GRID1: variants seen among roughly 807,000 people sequenced by gnomAD.
GRID1 encodes glutamate ionotropic receptor delta type subunit 1, also known as glutamate receptor ionotropic, delta-1.
GRID1 carries 28 observed loss-of-function variants against 98.0 expected under a neutral mutation model. The ratio of observed to expected loss-of-function variants is 0.29; its 90% CI spans 0.21 to 0.39. The LOEUF (loss-of-function observed/expected upper bound fraction) is 0.39, where lower values mean the gene tolerates loss of function less well. Among genes scored for constraint, GRID1 ranks in the 10% least tolerant of loss-of-function variants. The pLI is 1.00. For synonymous variants in GRID1, 553 were observed against 538.5 expected (o/e 1.03, Z -0.37); for missense variants, 1,111 against 1,340.5 (o/e 0.83, Z 2.67).
Position 85,599,802 on chromosome 10 carries a change from A to AAAAATATATATAT in GRID1, c.*2470_*2471insATATATATATTTT. 0.023 allele frequency: 1,494 copies of AAAAATATATATAT among 64,714 alleles called. 55 individuals are homozygous for AAAAATATATATAT. Among genetic ancestry groups the AAAAATATATATAT allele is most frequent in the Non-Finnish European group, 0.033 (1,260 of 38,580 alleles). The allele number at this position is 64,714 out of a possible 1,614,324, so 4.0% of individuals were successfully genotyped here. A position where few individuals can be genotyped will look rare whatever the true frequency, so the allele number is the denominator to read the frequency against. On this transcript the variant is annotated 3_prime_UTR_variant, in exon 16 of 16. Coordinates refer to ENST00000327946, the MANE Select transcript of GRID1 (RefSeq NM_017551.3). Reference sequence around the variant, plus strand: ...GTAGAAAATTCTAAAAAAAAAAAAAAATATATATATATATATATAAACATG... The same window carrying AAAAATATATATAT: ...GTAGAAAATTCTAAAAAAAAAAAAAAAAAATATATATATATATATATATATATATATAAACATG...
rs1449946223 is a variant in GRID1 at position 85,604,858 on chromosome 10, A to G, written c.2602-2157T>C. On this transcript the variant is annotated intron_variant, in intron 15 of 15. Transcript: ENST00000327946. Reference sequence around the variant, plus strand: ...GGCTTAGCGCCACTCAGCATCAATGATCTTTTCCCAAGGAAGTCTATGGTT... The same window carrying G: ...GGCTTAGCGCCACTCAGCATCAATGGTCTTTTCCCAAGGAAGTCTATGGTT... Among the ~76,000 whole-genome samples the G allele has an allele frequency of 3.3e-5, 5 of 152,210 alleles. No homozygotes were observed. In the East Asian group the frequency reaches 9.6e-4, roughly 29 times the overall value.
Position 85,796,342 on chromosome 10 carries a change from TAAAATATTAATTGGA to T in GRID1, c.1233+58139_1233+58153del, listed in dbSNP as rs1448313710. Among the ~76,000 whole-genome samples the T allele has an allele frequency of 1.8e-4, 28 of 152,188 alleles. 1 individual carries two copies. The highest frequency in any genetic ancestry group is 1.9e-4 in the East Asian group (1 of 5,196). On this transcript the variant is annotated intron_variant, in intron 8 of 15. Transcript: ENST00000327946. ...AAAATAAACCTAGACATATTGTGAT[TAAAATATTAATTGGA>T]CAAAGAATACATACTATAACAAATT...
chr10:86,128,572 C>A lies in GRID1; in HGVS notation c.726+10247G>T, dbSNP rs560533249. Reference sequence around the variant, plus strand: ...GCACTGGGGAGAGGGAGAGGCCATACCACGCCCTGCACAGCAGGCAACAGG... The same window carrying A: ...GCACTGGGGAGAGGGAGAGGCCATAACACGCCCTGCACAGCAGGCAACAGG... On this transcript the variant is annotated intron_variant, in intron 4 of 15. Transcript: ENST00000327946. Among the ~76,000 whole-genome samples, 5 of 152,208 alleles carry A rather than the reference C, an allele frequency of 3.3e-5. No homozygotes were observed. In the South Asian group the frequency reaches 1.0e-3, roughly 32 times the overall value.
At chr10:86,143,810 G>C (rs1845045177) in intron 3 of GRID1, among the ~76,000 whole-genome samples, 1 of 152,256 alleles carries the variant, frequency 6.6e-6, no homozygotes, top group Non-Finnish European at 1.5e-5. Context: ...CTAGAGAGGA[G>C]TCCTGCGCCT....
chr10:85,822,548 G>C (rs151079280), intron 8 of GRID1, among the ~76,000 whole-genome samples: 7 of 152,048 alleles, frequency 4.6e-5, no homozygotes, highest in African/African-American at 1.7e-4. Flanking sequence ...ACAAGTGCTG[G>C]AGAGGATGTG....
chr10:86,341,285 A>G (rs186634407), intron 2 of GRID1, among the ~76,000 whole-genome samples: 1,662 of 152,242 alleles, frequency 0.011, 32 homozygotes, highest in African/African-American at 0.037. Context: ...AGAAAACCCT[A>G]CCACCGACAG....
chr10:85,835,724 C>T (rs1842906603), intron 8 of GRID1, among the ~76,000 whole-genome samples: 1 of 152,258 alleles, frequency 6.6e-6, no homozygotes, highest in South Asian at 2.1e-4. Context: ...CCAATATCAG[C>T]AGAATATACA....
At chr10:85,982,132 G>A (rs549746742) in intron 4 of GRID1, among the ~76,000 whole-genome samples, 2 of 150,700 alleles carry the variant, frequency 1.3e-5, no homozygotes, top group South Asian at 2.1e-4. Flanking sequence ...TGGAGACCAG[G>A]ACAGATGGAA....
At chr10:86,208,352 C>A (rs1846064218) in intron 2 of GRID1, among the ~76,000 whole-genome samples, 1 of 152,158 alleles carries the variant, frequency 6.6e-6, no homozygotes, top group Non-Finnish European at 1.5e-5. Context: ...CCTCCTACCC[C>A]AGCTCCAGTC....
At position 86,366,366 on chromosome 10, in the gene GRID1, G is replaced by T. The variant is rs1416803184; in HGVS notation, c.27C>A (p.Leu9=). The T allele has an allele frequency of 6.6e-7, 1 of 1,519,382 alleles. No homozygotes were observed. The highest frequency in any genetic ancestry group is 8.8e-7 in the Non-Finnish European group (1 of 1,131,580). The allele number at this position is 1,519,382 out of a possible 1,614,324, so 94.1% of individuals were successfully genotyped here. MEALTLWL[L]PWICQCVSVR... is the part of the protein sequence containing the mutation. ...CCGACACGCACTGGCATATCCAGGG[G>T]AGAAGCCACAGCGTCAGCGCTTCCA... Residue 9 remains leucine, a synonymous_variant, in exon 1 of 16, where the codon CTC becomes CTA. Coordinates refer to ENST00000327946, the MANE Select transcript of GRID1 (RefSeq NM_017551.3). This position sits in a 1 kb window ranked among gnomAD's most constrained non-coding sequence, Gnocchi z 4.1.
chr10:86,358,032 C>A (rs999326909), intron 2 of GRID1, among the ~76,000 whole-genome samples: 1 of 152,120 alleles, frequency 6.6e-6, no homozygotes, highest in African/African-American at 2.4e-5. Context: ...TCTGACTATT[C>A]GAACAGCAGT....
intron 9 of GRID1, among the ~76,000 whole-genome samples, chr10:85,729,282 C>G (rs911101551): frequency 1.3e-5 from 2 of 152,186 alleles, no homozygotes; most frequent in African/African-American, 4.8e-5. Flanking sequence ...AAGTCCTTTT[C>G]TAGAGCAGCT....
chr10:86,086,697 T>C (rs1415922827), intron 4 of GRID1, among the ~76,000 whole-genome samples: 1 of 152,208 alleles, frequency 6.6e-6, no homozygotes. Context: ...CATGGGCATG[T>C]GCAGGTGTGT....
At chr10:86,020,199 C>T (rs1381904335) in intron 4 of GRID1, among the ~76,000 whole-genome samples, 4 of 152,224 alleles carry the variant, frequency 2.6e-5, no homozygotes, top group Non-Finnish European at 5.9e-5. Context: ...AAACTTGTTC[C>T]AATGTGAGGG....
chr10:85,823,478 AG>A (rs1427250099), intron 8 of GRID1, among the ~76,000 whole-genome samples: 2 of 152,110 alleles, frequency 1.3e-5, no homozygotes, highest in Non-Finnish European at 2.9e-5. Context: ...AAAACCAAAG[AG>A]GGGGTAAAAC....
At chr10:85,615,317 T>G (rs1387110483) in intron 14 of GRID1, among the ~76,000 whole-genome samples, 1 of 152,214 alleles carries the variant, frequency 6.6e-6, no homozygotes, top group Admixed American at 6.5e-5. Context: ...TTGCTCCTAC[T>G]AAAGATCAGT....
chr10:85,890,999 G>T (rs1407517888), intron 5 of GRID1, among the ~76,000 whole-genome samples: 2 of 152,094 alleles, frequency 1.3e-5, no homozygotes, highest in African/African-American at 4.8e-5. Context: ...TATTCAAACA[G>T]AAAAATAAAT....
At chr10:86,320,477 G>C (rs1445917562) in intron 2 of GRID1, among the ~76,000 whole-genome samples, 4 of 152,174 alleles carry the variant, frequency 2.6e-5, no homozygotes, top group Non-Finnish European at 5.9e-5. Flanking sequence ...AATATCTGGA[G>C]TAGTCAAAGT....
intron 9 of GRID1, among the ~76,000 whole-genome samples, chr10:85,728,524 T>C (rs1244963939): frequency 6.6e-6 from 1 of 152,110 alleles, no homozygotes; most frequent in Non-Finnish European, 1.5e-5. Flanking sequence ...TACTAGAAAG[T>C]GGATATGGAT....
Sources: allele counts gnomAD v4.1 joint callset (sites outside exome capture counted in the v4.1 genomes callset), GRCh38; gene constraint gnomAD v4.1.1; non-coding constraint Gnocchi (gnomAD v3.1); transcripts MANE v1.5; gene names NCBI Gene and HGNC (gene_info 2026-07-23, HGNC 2026-07-21).